Variants in SYNDIG1L observed in about 807,000 individuals in gnomAD.
The protein encoded by SYNDIG1L is synapse differentiation-inducing gene protein 1-like.
Under a neutral mutation model 20.1 loss-of-function variants are expected in SYNDIG1L, and 13 were observed. The observed-to-expected ratio is 0.65, with a 90% confidence interval of 0.42 to 1.03. The LOEUF (loss-of-function observed/expected upper bound fraction) is 1.03, where lower values mean the gene tolerates loss of function less well. Among genes scored for constraint, SYNDIG1L ranks in the 50% least tolerant of loss-of-function variants. The pLI is 0.00. For synonymous variants in SYNDIG1L, 128 were observed against 129.3 expected (o/e 0.99, Z 0.07); for missense variants, 294 against 305.1 (o/e 0.96, Z 0.27).
the SYNDIG1L span, among the ~76,000 whole-genome samples, chr14:74,444,126 G>T: frequency 6.6e-6 from 1 of 151,968 alleles, no homozygotes; most frequent in African/African-American, 2.4e-5. Flanking sequence ...GGAGTGTAAT[G>T]GCGCGATCTC....
chr14:74,445,054 G>A, the SYNDIG1L span, among the ~76,000 whole-genome samples: 323 of 152,252 alleles, frequency 2.1e-3, 5 homozygotes, highest in Middle Eastern at 0.037. Flanking sequence ...GGTCATGAAG[G>A]TGGATCCCTA....
At chr14:74,416,607 C>T (rs1358427262) in intron 1 of SYNDIG1L, among the ~76,000 whole-genome samples, 1 of 152,172 alleles carries the variant, frequency 6.6e-6, no homozygotes, top group Non-Finnish European at 1.5e-5. Flanking sequence ...GCACTGCAGC[C>T]TGGGCAACAG....
At chr14:74,465,370 G>T in the SYNDIG1L span, among the ~76,000 whole-genome samples, 1 of 152,202 alleles carries the variant, frequency 6.6e-6, no homozygotes, top group East Asian at 1.9e-4. Context: ...TAAGTGAGCA[G>T]CTCAAGCCGG....
the SYNDIG1L span, among the ~76,000 whole-genome samples, chr14:74,433,391 T>TA: frequency 6.9e-6 from 1 of 145,942 alleles, no homozygotes; most frequent in East Asian, 2.2e-4. Flanking sequence ...ATTTAATTCC[T>TA]TTTTTTTTTT....
chr14:74,434,381 C>T, the SYNDIG1L span, among the ~76,000 whole-genome samples: 2 of 151,956 alleles, frequency 1.3e-5, no homozygotes, highest in East Asian at 1.9e-4. Flanking sequence ...TGGCCTGCCT[C>T]GGTGGGAGAA....
At chr14:74,450,539 C>A in the SYNDIG1L span, among the ~76,000 whole-genome samples, 1 of 152,084 alleles carries the variant, frequency 6.6e-6, no homozygotes, top group Admixed American at 6.6e-5. Context: ...CTTTAAAATT[C>A]AATCAGTGTA....
At chr14:74,466,338 G>T in the SYNDIG1L span, among the ~76,000 whole-genome samples, 4 of 152,160 alleles carry the variant, frequency 2.6e-5, no homozygotes, top group Admixed American at 6.5e-5. Context: ...TACTGGTTGG[G>T]TGGGTGGATA....
chr14:74,458,714 A>G, the SYNDIG1L span, among the ~76,000 whole-genome samples: 3 of 151,514 alleles, frequency 2.0e-5, no homozygotes, highest in Non-Finnish European at 2.9e-5. Flanking sequence ...TTTTTTTTGT[A>G]CCTAGAAAAT....
chr14:74,475,168 A>AG, the SYNDIG1L span, among the ~76,000 whole-genome samples: 1 of 152,098 alleles, frequency 6.6e-6, no homozygotes, highest in East Asian at 1.9e-4. Context: ...CTATGATTCT[A>AG]GGCCACTGAG....
chr14:74,479,915 G>A, the SYNDIG1L span: 1 of 1,163,218 alleles, frequency 8.6e-7, no homozygotes, highest in Non-Finnish European at 1.1e-6. Context: ...ACCCTGAAAG[G>A]AGCAGGAGAA....
chr14:74,430,522 G>A (rs907237453), upstream of SYNDIG1L, among the ~76,000 whole-genome samples: 98 of 148,328 alleles, frequency 6.6e-4, no homozygotes, highest in Non-Finnish European at 2.4e-4. Context: ...TGCAACCTCC[G>A]CCTCCCAGGT....
the SYNDIG1L span, among the ~76,000 whole-genome samples, chr14:74,473,654 A>C: frequency 1.3e-5 from 2 of 152,164 alleles, no homozygotes; most frequent in Non-Finnish European, 2.9e-5. Flanking sequence ...TTCTCTCATT[A>C]GACTCTAAGC....
At chr14:74,476,958 CTT>C in the SYNDIG1L span, among the ~76,000 whole-genome samples, 1 of 151,928 alleles carries the variant, frequency 6.6e-6, no homozygotes, top group East Asian at 1.9e-4. Flanking sequence ...CCTTCAAAGA[CTT>C]TCAGGCAACA....
In SYNDIG1L at chr14:74,407,862, T is replaced by G. The variant is rs77823090; in HGVS notation, c.545A>C (p.Tyr182Ser). The change falls in exon 3 of 4, where the codon TAC becomes TCC. Residue 182 changes from tyrosine to serine, a missense_variant. Physicochemically the swap from Tyr to Ser is moderately radical, Grantham distance 144. Transcript: ENST00000331628. ...CFWPLGIAAF[Y>S]FSQGTSKAIS... ...AGGTGCTCTTACCCCCTGGGAGAAG[T>G]AGAAGGCAGCAATGCCCAGTGGCCA... is the stretch of plus-strand genomic sequence containing the variant. 2 of 1,613,080 alleles carry G rather than the reference T, an allele frequency of 1.2e-6. No individual in the cohort carries two copies. Among genetic ancestry groups the G allele is most frequent in the East Asian group, 4.5e-5 (2 of 44,876 alleles).
chr14:74,476,106 A>T, the SYNDIG1L span: 1 of 302,692 alleles, frequency 3.3e-6, no homozygotes, highest in Middle Eastern at 1.0e-3. Context: ...GTGTGTGTAC[A>T]CTGAGAATCT....
chr14:74,430,435 G>T (rs1038659741), upstream of SYNDIG1L, among the ~76,000 whole-genome samples: 3 of 122,384 alleles, frequency 2.5e-5, no homozygotes, highest in Non-Finnish European at 5.1e-5. Flanking sequence ...GGAAGAATAC[G>T]CATTCTTTTT....
upstream of SYNDIG1L, among the ~76,000 whole-genome samples, chr14:74,426,706 T>G (rs2086269475): frequency 6.1e-5 from 9 of 148,300 alleles, no homozygotes; most frequent in East Asian, 4.1e-4. Context: ...TCTTCCCCTC[T>G]TCCCCTCCCC....
chr14:74,476,334 C>T, the SYNDIG1L span: 1 of 650,822 alleles, frequency 1.5e-6, no homozygotes, highest in African/African-American at 1.8e-5. Flanking sequence ...TGCCAGGCTC[C>T]TTCTTGGCCT....
the SYNDIG1L span, chr14:74,479,848 A>G: frequency 2.2e-6 from 1 of 465,026 alleles, no homozygotes; most frequent in Non-Finnish European, 3.3e-6. Flanking sequence ...TCATGTCTTC[A>G]GTGCACTCTG....
Sources: gnomAD v4.1 joint callset for allele counts (sites outside exome capture counted in the v4.1 genomes callset) on GRCh38, gnomAD v4.1.1 for gene constraint, MANE v1.5 for transcripts, NCBI Gene and HGNC (gene_info 2026-07-23, HGNC 2026-07-21) for gene names.